The following CLIC5 variants were observed in gnomAD, a reference collection of about 807,000 sequenced individuals.
The protein encoded by CLIC5 is chloride intracellular channel protein 5.
CLIC5 carries 20 observed loss-of-function variants against 24.7 expected under a neutral mutation model. The observed-to-expected ratio is 0.81, with a 90% confidence interval of 0.57 to 1.18. The LOEUF (loss-of-function observed/expected upper bound fraction) is 1.18. Ranked by LOEUF, CLIC5 falls within the 50% of genes most tolerant of loss-of-function variation. The probability of loss-of-function intolerance (pLI) is 0.00; values close to 1 mark genes in which losing one functional copy is unlikely to be tolerated. For missense variants in CLIC5, 341 were observed against 326.1 expected (o/e 1.05, Z -0.35); for synonymous variants, 159 against 135.6 (o/e 1.17, Z -1.20).
At position 45,914,371 on chromosome 6, in the gene CLIC5, C is replaced by T. The variant is rs767341327; in HGVS notation, c.445G>A (p.Asp149Asn). Residue 149 changes from aspartate (D) to asparagine (N), a missense_variant, in exon 5 of 6, where the codon GAT becomes AAT. By Grantham distance (23) the Asp-to-Asn change is conservative. Transcript: ENST00000339561. ...GGTAGAGGGGTGTTCAGGTAGTCATCCAATTTCTTTAGAGCCTTGGTTAGG... is the reference window on the plus strand; with the variant it reads ...GGTAGAGGGGTGTTCAGGTAGTCATTCAATTTCTTTAGAGCCTTGGTTAGG... ...RGLTKALKKL[D>N]DYLNTPLPEE... The T allele has an allele frequency of 2.5e-6, 4 of 1,594,320 alleles. No homozygotes were observed. In the Admixed American group the frequency reaches 6.7e-5, roughly 27 times the overall value.
At chr6:45,976,338 T>G (rs1011691077) in intron 1 of CLIC5, among the ~76,000 whole-genome samples, 15 of 152,210 alleles carry the variant, frequency 9.9e-5, no homozygotes, top group African/African-American at 3.1e-4. Flanking sequence ...GTTTTTTGTC[T>G]GCTTGTTTCT....
intron 1 of CLIC5, among the ~76,000 whole-genome samples, chr6:45,996,831 A>C (rs1187486137): frequency 6.6e-6 from 1 of 151,664 alleles, no homozygotes; most frequent in Non-Finnish European, 1.5e-5. Flanking sequence ...TTAGAATGGC[A>C]ATCATTAAAA....
intron 1 of CLIC5, among the ~76,000 whole-genome samples, chr6:46,056,092 A>G (rs917258922): frequency 2.0e-5 from 3 of 152,218 alleles, no homozygotes; most frequent in African/African-American, 7.2e-5. Context: ...ATTTTACGTT[A>G]TGTATATTTT....
chr6:46,005,960 T>A (rs1766537268), intron 1 of CLIC5, among the ~76,000 whole-genome samples: 1 of 142,490 alleles, frequency 7.0e-6, no homozygotes, highest in Non-Finnish European at 1.5e-5. Context: ...CTCAAAGAGA[T>A]TAGGACAGAG....
chr6:45,961,740 T>A (rs1369665981), intron 1 of CLIC5, among the ~76,000 whole-genome samples: 2 of 152,102 alleles, frequency 1.3e-5, no homozygotes, highest in Non-Finnish European at 2.9e-5. Flanking sequence ...TGGTACGTGG[T>A]CCACATGAGG....
rs1326873164 is a variant in CLIC5, at chr6:45,977,790, G to A, written c.64-22546C>T. ...TACTAACTCAGACCCCATCTTCCCT[G>A]GAAATCCTCTTCAGACTACTTCTAT... On this transcript the variant is annotated intron_variant, in intron 1 of 5. Coordinates refer to ENST00000339561, the MANE Select transcript of CLIC5 (RefSeq NM_016929.5). 2.0e-5 allele frequency among the ~76,000 whole-genome samples: 3 copies of A among 152,048 alleles called. No individual in the cohort carries two copies. The East Asian group carries it at 5.8e-4, about 29-fold the overall frequency.
chr6:45,952,447 C>A (rs1367053423), intron 2 of CLIC5, among the ~76,000 whole-genome samples: 2 of 152,072 alleles, frequency 1.3e-5, no homozygotes, highest in African/African-American at 2.4e-5. Context: ...GGTACAGGAC[C>A]AATTGCAAAT....
intron 1 of CLIC5, among the ~76,000 whole-genome samples, chr6:46,031,652 T>C (rs1018323947): frequency 1.3e-5 from 2 of 152,120 alleles, no homozygotes; most frequent in Admixed American, 1.3e-4. Context: ...TAGGAAACTC[T>C]TAAGTGAGCA....
the CLIC5 span, among the ~76,000 whole-genome samples, chr6:46,104,143 T>G: frequency 6.6e-6 from 1 of 152,340 alleles, no homozygotes; most frequent in Non-Finnish European, 1.5e-5. Context: ...CTTTTTGGTA[T>G]GCATATTCAT....
chr6:45,887,614 A>C (rs1418138316), intron 6 of CLIC5, among the ~76,000 whole-genome samples: 2 of 152,206 alleles, frequency 1.3e-5, no homozygotes, highest in African/African-American at 4.8e-5. Flanking sequence ...TATATGAAAA[A>C]ACAGAGTCAC....
At chr6:45,920,166 G>A (rs3822878) in intron 4 of CLIC5, 275,977 of 937,056 alleles carry the variant, frequency 0.29, 44,945 homozygotes, top group East Asian at 0.47. Context: ...TCTGCTACCA[G>A]TGCTTGATTT....
the CLIC5 span, among the ~76,000 whole-genome samples, chr6:46,089,309 C>T: frequency 6.6e-6 from 1 of 152,066 alleles, no homozygotes; most frequent in Non-Finnish European, 1.5e-5. Flanking sequence ...AGTGTAAATG[C>T]TGCCTCTACT....
intron 4 of CLIC5, among the ~76,000 whole-genome samples, chr6:45,929,145 C>T (rs1163074636): frequency 6.6e-6 from 1 of 152,168 alleles, no homozygotes; most frequent in Non-Finnish European, 1.5e-5. Context: ...ATGCCTGCCC[C>T]ATTCAACAGG....
intron 1 of CLIC5, among the ~76,000 whole-genome samples, chr6:46,070,245 A>G (rs1488213823): frequency 1.3e-5 from 2 of 152,216 alleles, no homozygotes; most frequent in African/African-American, 4.8e-5. Flanking sequence ...AGAGAAAGAA[A>G]TAAAAGGCAT....
At chr6:45,960,891 CT>C (rs1447751153) in intron 1 of CLIC5, among the ~76,000 whole-genome samples, 1 of 152,210 alleles carries the variant, frequency 6.6e-6, no homozygotes, top group East Asian at 1.9e-4. Flanking sequence ...TTCCAAACCA[CT>C]TCTAAGTTTG....
chr6:45,966,781 C>T (rs961186990), intron 1 of CLIC5, among the ~76,000 whole-genome samples: 1 of 152,210 alleles, frequency 6.6e-6, no homozygotes, highest in African/African-American at 2.4e-5. Context: ...AAGAAGTGCA[C>T]CATTTTGAGT....
At position 45,903,115 on chromosome 6, in the gene CLIC5, A is replaced by C. The variant is rs762150657; in HGVS notation, c.729T>G (p.Asp243Glu). ...ADSEIELAYADVAKRLSRS is the reference protein window; with the variant it reads ...ADSEIELAYAEVAKRLSRS The stretch of plus-strand genomic sequence containing the variant: ...AGGATCGGCTGAGGCGTTTGGCGAC[A>C]TCAGCGTAGGCCAACTCGATCTCAC... Residue 243 changes from aspartate (D) to glutamate (E), a missense_variant, in exon 6 of 6, where the codon GAT (aspartate) becomes GAG (glutamate). Physicochemically the swap from Asp to Glu is conservative, Grantham distance 45. Transcript: ENST00000339561. The C allele has an allele frequency of 1.9e-6, 3 of 1,614,106 alleles. No homozygotes were observed. The highest frequency in any genetic ancestry group is 2.5e-6 in the Non-Finnish European group (3 of 1,180,044).
chr6:45,932,298 G>A (rs552146782), intron 4 of CLIC5, among the ~76,000 whole-genome samples: 4 of 152,060 alleles, frequency 2.6e-5, no homozygotes, highest in South Asian at 4.2e-4. Context: ...TAGTAGAGAC[G>A]GGGTTTCACC....
chr6:45,884,919 T>A (rs916047337), intron 6 of CLIC5, among the ~76,000 whole-genome samples: 5 of 151,990 alleles, frequency 3.3e-5, no homozygotes, highest in Admixed American at 1.3e-4. Flanking sequence ...GAACAAAATG[T>A]GGTAAACTGT....
Sources: gnomAD v4.1 joint callset for allele counts (sites outside exome capture counted in the v4.1 genomes callset) on GRCh38, gnomAD v4.1.1 for gene constraint, MANE v1.5 for transcripts, NCBI Gene and HGNC (gene_info 2026-07-23, HGNC 2026-07-21) for gene names.